The following SERPINB12 variants were observed in gnomAD, a reference collection of about 807,000 sequenced individuals.
SERPINB12 encodes the protein serpin family B member 12.
In SERPINB12, 57 loss-of-function variants were observed where a neutral mutation model predicts 41.1. That is an observed-to-expected ratio of 1.39 (90% CI 1.12 to 1.73). The LOEUF (loss-of-function observed/expected upper bound fraction) is 1.73. Ranked by LOEUF, SERPINB12 falls within the 40% of genes most tolerant of loss-of-function variation. The pLI is 0.00. For missense variants in SERPINB12, 536 were observed against 501.9 expected, an observed-to-expected ratio of 1.07 and a Z score of -0.65; for synonymous variants, 180 against 181.3, an observed-to-expected ratio of 0.99 and a Z score of 0.06.
At chr18:63,527,958 G>A in the SERPINB12 span, among the ~76,000 whole-genome samples, 1 of 152,016 alleles carries the variant, frequency 6.6e-6, no homozygotes, top group Non-Finnish European at 1.5e-5. Context: ...AGTCTCATGA[G>A]ATCTGATGGT....
the SERPINB12 span, among the ~76,000 whole-genome samples, chr18:63,537,187 C>A: frequency 1.3e-5 from 2 of 152,112 alleles, no homozygotes; most frequent in African/African-American, 4.8e-5. Flanking sequence ...TGATTGCCAG[C>A]AATGGTTTGT....
the SERPINB12 span, among the ~76,000 whole-genome samples, chr18:63,536,822 A>G: frequency 6.6e-6 from 1 of 152,170 alleles, no homozygotes; most frequent in African/African-American, 2.4e-5. Flanking sequence ...TATTTTATAA[A>G]TGTTTTAACT....
intron 1 of SERPINB12, among the ~76,000 whole-genome samples, chr18:63,552,120 T>C (rs1429232450): frequency 6.6e-6 from 1 of 151,716 alleles, no homozygotes; most frequent in African/African-American, 2.4e-5. Flanking sequence ...TCAAGACGAG[T>C]GTGGGTTCTG....
In SERPINB12 at chr18:63,566,831, C is replaced by T. The variant is rs1911120540; in HGVS notation, c.1098C>T (p.His366=). 2 of 1,614,150 alleles carry T rather than the reference C, an allele frequency of 1.2e-6. No homozygotes were observed. The highest frequency in any genetic ancestry group is 1.3e-5 in the African/African-American group (1 of 75,056). ...SPNLYLSKII[H]KTFVEVDENG... Reference sequence around the variant, plus strand: ...ATTTGTACTTGTCAAAAATTATCCACAAAACCTTTGTGGAGGTGGATGAAA... The same window carrying T: ...ATTTGTACTTGTCAAAAATTATCCATAAAACCTTTGTGGAGGTGGATGAAA... The change falls in exon 8 of 8, where the codon CAC becomes CAT. Residue 366 remains histidine, a synonymous_variant. Transcript: ENST00000382768.
At chr18:63,529,278 A>G in the SERPINB12 span, among the ~76,000 whole-genome samples, 1 of 152,226 alleles carries the variant, frequency 6.6e-6, no homozygotes, top group Non-Finnish European at 1.5e-5. Flanking sequence ...TTTGGCTACA[A>G]GAATCAATAG....
chr18:63,530,205 C>T, the SERPINB12 span, among the ~76,000 whole-genome samples: 4 of 152,192 alleles, frequency 2.6e-5, no homozygotes, highest in East Asian at 7.7e-4. Flanking sequence ...CTTTGGTGAC[C>T]TAAGGCTGAA....
chr18:63,552,031 A>G (rs529946431), intron 1 of SERPINB12, among the ~76,000 whole-genome samples: 2 of 152,324 alleles, frequency 1.3e-5, no homozygotes, highest in African/African-American at 4.8e-5. Context: ...TCAACTTACT[A>G]AAATGGGAGG....
At chr18:63,545,611 T>C (rs1910369910) in intron 1 of SERPINB12, among the ~76,000 whole-genome samples, 1 of 152,126 alleles carries the variant, frequency 6.6e-6, no homozygotes, top group African/African-American at 2.4e-5. Context: ...TTCAAACAAG[T>C]TTATACTCTT....
the SERPINB12 span, among the ~76,000 whole-genome samples, chr18:63,528,026 C>T: frequency 3.7e-4 from 56 of 152,122 alleles, no homozygotes; most frequent in Admixed American, 2.6e-3. Flanking sequence ...CCATGTAAGA[C>T]GTGACTTGCT....
chr18:63,554,302 A>C (rs539662101), intron 1 of SERPINB12, among the ~76,000 whole-genome samples: 1 of 152,240 alleles, frequency 6.6e-6, no homozygotes, highest in Non-Finnish European at 1.5e-5. Flanking sequence ...AGGAATGATC[A>C]TATCTACCTT....
At chr18:63,556,450 C>A in intron 2 of SERPINB12, 123 bp downstream of exon 2, 1 of 713,120 alleles carries the variant, frequency 1.4e-6, no homozygotes, top group Non-Finnish European at 2.3e-6. Flanking sequence ...CAGAACCCAT[C>A]CCTGTCTCTG....
In SERPINB12 at chr18:63,566,887, CTGTTG is replaced by C. The variant is rs756626019; in HGVS notation, c.1156_1160del (p.Val386LeufsTer12). The C allele has an allele frequency of 3.1e-6, 5 of 1,614,072 alleles. No individual in the cohort carries two copies. Among genetic ancestry groups the C allele is most frequent in the Non-Finnish European group, 4.2e-6 (5 of 1,180,024 alleles). ...ACCCAGGCAGCTGCAGCCACTGGGGCTGTTGTCTCGGAAAGGTCACTACGATCTTG... is the reference window on the plus strand; with the variant it reads ...ACCCAGGCAGCTGCAGCCACTGGGGCTCTCGGAAAGGTCACTACGATCTTG... On this transcript the variant is annotated frameshift_variant, in exon 8 of 8. Transcript: ENST00000382768. LOFTEE classifies it high-confidence loss of function.
the SERPINB12 span, among the ~76,000 whole-genome samples, chr18:63,522,975 A>G: frequency 1.0e-3 from 152 of 152,316 alleles, 1 homozygote; most frequent in East Asian, 0.02. Flanking sequence ...AACATCAGAT[A>G]TCATTTGATA....
chr18:63,552,012 C>A (rs1481081284), intron 1 of SERPINB12, among the ~76,000 whole-genome samples: 7 of 152,194 alleles, frequency 4.6e-5, no homozygotes, highest in Admixed American at 4.6e-4. Context: ...AATCTCAAAT[C>A]ATTCTCCCTC....
upstream of SERPINB12, among the ~76,000 whole-genome samples, chr18:63,540,938 G>C (rs1910259229): frequency 6.6e-6 from 1 of 152,174 alleles, no homozygotes; most frequent in African/African-American, 2.4e-5. Context: ...TATGTATAAA[G>C]TGTGTGTAGA....
At chr18:63,536,969 T>C in the SERPINB12 span, among the ~76,000 whole-genome samples, 1 of 152,050 alleles carries the variant, frequency 6.6e-6, no homozygotes, top group East Asian at 1.9e-4. Context: ...CCTCACATCG[T>C]AGACCAAAAT....
At chr18:63,546,592 T>C (rs190501641) in intron 1 of SERPINB12, among the ~76,000 whole-genome samples, 18 of 152,274 alleles carry the variant, frequency 1.2e-4, no homozygotes, top group Admixed American at 9.2e-4. Flanking sequence ...TCTAAGACAA[T>C]GTGTATATGA....
upstream of SERPINB12, among the ~76,000 whole-genome samples, chr18:63,540,378 C>G (rs1434368578): frequency 6.6e-6 from 1 of 152,040 alleles, no homozygotes; most frequent in Admixed American, 6.6e-5. Context: ...CATTTTTATC[C>G]TGTAATTCGA....
intron 5 of SERPINB12, among the ~76,000 whole-genome samples, chr18:63,562,682 C>G (rs1282094098): frequency 1.3e-5 from 2 of 152,152 alleles, no homozygotes; most frequent in Admixed American, 1.3e-4. Flanking sequence ...TTTCAAGGCT[C>G]TACTCAGCTG....
Sources: allele counts gnomAD v4.1 joint callset (sites outside exome capture counted in the v4.1 genomes callset), GRCh38; gene constraint gnomAD v4.1.1; transcripts MANE v1.5; gene names NCBI Gene and HGNC (gene_info 2026-07-23, HGNC 2026-07-21).